Variants in ADAMTS9 observed in about 807,000 individuals in gnomAD.
ADAMTS9 encodes ADAM metallopeptidase with thrombospondin type 1 motif 9.
A neutral mutation model predicts 257.1 loss-of-function variants in ADAMTS9; 107 were observed. That is an observed-to-expected ratio of 0.42 (90% CI 0.36 to 0.49). The LOEUF is 0.49. Ranked by LOEUF, ADAMTS9 falls within the 20% of genes least tolerant of loss-of-function variation. ADAMTS9 has a pLI of 0.03. For missense variants in ADAMTS9, 2,353 were observed against 2,469.1 expected (o/e 0.95, Z 1.00); for synonymous variants, 982 against 880.9 (o/e 1.11, Z -2.03).
intron 9 of ADAMTS9, 88 bp downstream of exon 9, chr3:64,650,929 T>C (rs1700916269): frequency 2.2e-6 from 3 of 1,385,518 alleles, no homozygotes; most frequent in African/African-American, 3.0e-5. Context: ...AAAGGAATGT[T>C]TGACTTCATA....
At chr3:64,567,563 T>C (rs1384674535) in intron 29 of ADAMTS9, among the ~76,000 whole-genome samples, 2 of 152,222 alleles carry the variant, frequency 1.3e-5, no homozygotes, top group Non-Finnish European at 2.9e-5. Flanking sequence ...ACATATCCAG[T>C]GTTTAGAGAT....
rs1247386944 is a variant in ADAMTS9, at chr3:64,686,990, T to C, written c.116-22A>G. The C allele has an allele frequency of 1.3e-6, 2 of 1,589,588 alleles. No individual in the cohort carries two copies. Among genetic ancestry groups the C allele is most frequent in the Admixed American group, 1.8e-5 (1 of 55,722 alleles). On this transcript the variant is annotated intron_variant, in intron 1 of 39. Transcript: ENST00000498707. The surrounding 1 kb of genome is among the most constrained non-coding windows in gnomAD (Gnocchi z 4.6). ...TTCACTGCGGAGAGAAGCAGAGGTA[T>C]ATGAACCAATAATTCATTTTTCCTT...
intron 11 of ADAMTS9, among the ~76,000 whole-genome samples, chr3:64,644,200 A>C (rs973990347): frequency 2.6e-5 from 4 of 152,264 alleles, no homozygotes; most frequent in Non-Finnish European, 5.9e-5. Context: ...AGCATTATAT[A>C]TACAAACTTA....
rs1559783924 is a variant in ADAMTS9, at chr3:64,596,888, T to C, written c.4121A>G (p.Glu1374Gly). Residue 1374 changes from glutamate to glycine, a missense_variant, in exon 27 of 40, where the codon GAG (glutamate) becomes GGG (glycine). Transcript: ENST00000498707. ...AGGGCCGGATTCACAGGCTCTTTGC[T>C]CATCAGGTTTTATTCTCTCCACACA... ...NDCVERIKPD[E>G]QRACESGPCP... The C allele has an allele frequency of 6.2e-7, 1 of 1,614,044 alleles. No homozygotes were observed. Among genetic ancestry groups the C allele is most frequent in the East Asian group, 2.2e-5 (1 of 44,842 alleles).
intron 38 of ADAMTS9, chr3:64,522,641 T>C (rs1156926248): frequency 1.2e-5 from 2 of 163,332 alleles, no homozygotes; most frequent in South Asian, 1.7e-4. Flanking sequence ...GCTGCTTTCA[T>C]GCTGCAAAAA....
chr3:64,520,414 T>C (rs1426847124), intron 39 of ADAMTS9, among the ~76,000 whole-genome samples: 1 of 152,198 alleles, frequency 6.6e-6, no homozygotes, highest in South Asian at 2.1e-4. Context: ...ACCAATGTTA[T>C]TCTTTACAGT....
At chr3:64,621,730 C>A (rs557532267) in intron 18 of ADAMTS9, among the ~76,000 whole-genome samples, 3 of 150,312 alleles carry the variant, frequency 2.0e-5, no homozygotes, top group Admixed American at 2.0e-4. Context: ...CCACTGCACT[C>A]CAGCCTGGGC....
intron 11 of ADAMTS9, among the ~76,000 whole-genome samples, chr3:64,644,178 G>A (rs979672258): frequency 1.3e-5 from 2 of 152,174 alleles, no homozygotes; most frequent in African/African-American, 4.8e-5. Context: ...ATATTTGTCA[G>A]GCACTGTTCT....
intron 3 of ADAMTS9, among the ~76,000 whole-genome samples, chr3:64,677,700 A>G (rs552914238): frequency 6.6e-6 from 1 of 152,140 alleles, no homozygotes; most frequent in East Asian, 1.9e-4. Context: ...ATTATTTCAT[A>G]CTCATTTAGC....
At chr3:64,531,260 AG>A (rs2082977562) in intron 38 of ADAMTS9, among the ~76,000 whole-genome samples, 1 of 152,166 alleles carries the variant, frequency 6.6e-6, no homozygotes, top group African/African-American at 2.4e-5. Flanking sequence ...CCTCTTTCTC[AG>A]GTGAGGGAGG....
chr3:64,539,010 T>G (rs2083087365), intron 37 of ADAMTS9, among the ~76,000 whole-genome samples, 193 bp downstream of exon 37: 1 of 152,182 alleles, frequency 6.6e-6, no homozygotes, highest in Admixed American at 6.5e-5. Flanking sequence ...GATCATTTCC[T>G]TAGGACCCAC....
chr3:64,652,514 A>G (rs914361865), intron 8 of ADAMTS9, among the ~76,000 whole-genome samples: 1 of 152,204 alleles, frequency 6.6e-6, no homozygotes, highest in Non-Finnish European at 1.5e-5. Flanking sequence ...GTTTCTTTAT[A>G]GTGGTGTTTA....
chr3:64,528,484 C>G lies in ADAMTS9; in HGVS notation c.5718+4682G>C, dbSNP rs185935807. Among the ~76,000 whole-genome samples, 232 of 152,242 alleles carry G rather than the reference C, an allele frequency of 1.5e-3. 1 individual carries two copies. The highest frequency in any genetic ancestry group is 3.4e-3 in the Middle Eastern group (1 of 294). On this transcript the variant is annotated intron_variant, in intron 38 of 39. Coordinates refer to ENST00000498707, the MANE Select transcript of ADAMTS9 (RefSeq NM_182920.2). ...AGAGTGAGGAGAAACTTTACGACCC[C>G]TAGCTGAGCTGGTGCAGCTAAAACA...
chr3:64,566,628 T>G (rs2083551983), intron 29 of ADAMTS9, among the ~76,000 whole-genome samples: 1 of 152,172 alleles, frequency 6.6e-6, no homozygotes, highest in South Asian at 2.1e-4. Context: ...TGTTTACCAA[T>G]AAAGAGCAAA....
Position 64,651,113 on chromosome 3 carries a change from T to C in ADAMTS9, c.1367A>G (p.Lys456Arg), listed in dbSNP as rs1700921660. Reference sequence around the variant, plus strand: ...TGGAGCCATGACATGCTGGGGACTCTTAACTCCTTCTTCTTTACATTTGTT... The same window carrying C: ...TGGAGCCATGACATGCTGGGGACTCCTAACTCCTTCTTCTTTACATTTGTT... ...DNNKCKEEGV[K>R]SPQHVMAPTL... The change falls in exon 9 of 40, where the codon AAG becomes AGG. Residue 456 changes from lysine (K) to arginine (R), a missense_variant. By Grantham distance (26) the Lys-to-Arg change is conservative. Around this residue, in one of 3 missense-constraint regions of ADAMTS9, gnomAD observed 591 missense variants for 569.6 expected, o/e 1.04. Coordinates refer to ENST00000498707, the MANE Select transcript of ADAMTS9 (RefSeq NM_182920.2). 6.2e-7 allele frequency: 1 copy of C among 1,602,378 alleles called. No individual in the cohort carries two copies. Among genetic ancestry groups the C allele is most frequent in the Non-Finnish European group, 8.5e-7 (1 of 1,175,986 alleles).
chr3:64,525,786 T>G (rs139067007), intron 38 of ADAMTS9, among the ~76,000 whole-genome samples: 6,030 of 151,654 alleles, frequency 0.04, 671 homozygotes, highest in Admixed American at 0.25. Context: ...AATTTTTGTA[T>G]TTTTAGTAGA....
At chr3:64,604,153 C>G in intron 24 of ADAMTS9, 64 bp from the exon 25 acceptor site, 2 of 1,601,824 alleles carry the variant, frequency 1.2e-6, no homozygotes, top group Non-Finnish European at 1.7e-6. Context: ...GGACAGTAGC[C>G]CACTTTCTAT....
At chr3:64,599,192 C>T (rs2084415653) in intron 26 of ADAMTS9, among the ~76,000 whole-genome samples, 2 of 152,178 alleles carry the variant, frequency 1.3e-5, no homozygotes, top group South Asian at 4.1e-4. Flanking sequence ...CTCCCACAGA[C>T]AGATGAAGTA....
Position 64,541,892 on chromosome 3 carries a change from A to G in ADAMTS9, c.5143T>C (p.Cys1715Arg), listed in dbSNP as rs2083128581. Residue 1715 changes from cysteine (C) to arginine (R), a missense_variant, in exon 33 of 40, where the codon TGC becomes CGC. By Grantham distance (180) the Cys-to-Arg change is radical (BLOSUM62 -3). Coordinates refer to ENST00000498707, the MANE Select transcript of ADAMTS9 (RefSeq NM_182920.2). ...LTNEDQPSHL[C>R]HTDLKPEERK... ...TCTTCTGGCTTCAGATCAGTGTGGC[A>G]TAAGTGGCTGGGTTGGTCCTCATTG... The G allele has an allele frequency of 6.2e-7, 1 of 1,614,210 alleles. No individual in the cohort carries two copies. The highest frequency in any genetic ancestry group is 8.5e-7 in the Non-Finnish European group (1 of 1,180,026).
Sources: gnomAD v4.1 joint callset for allele counts (sites outside exome capture counted in the v4.1 genomes callset) on GRCh38, gnomAD v4.1.1 for gene constraint, gnomAD v4.1.1 regional missense constraint, Gnocchi (gnomAD v3.1) non-coding constraint, MANE v1.5 for transcripts, NCBI Gene and HGNC (gene_info 2026-07-23, HGNC 2026-07-21) for gene names.